Variants in PRMT7 observed in about 807,000 individuals in gnomAD.
The protein encoded by PRMT7 is protein arginine N-methyltransferase 7.
A neutral mutation model predicts 85.4 loss-of-function variants in PRMT7; 75 were observed. The observed-to-expected ratio is 0.88, with a 90% CI of 0.73 to 1.06. PRMT7 has a LOEUF of 1.06. Ranked by LOEUF, PRMT7 falls within the 50% of genes least tolerant of loss-of-function variation. The probability of loss-of-function intolerance (pLI) is 0.00; values close to 1 mark genes in which losing one functional copy is unlikely to be tolerated. For synonymous variants in PRMT7, 397 were observed against 359.5 expected, an observed-to-expected ratio of 1.10 and a Z score of -1.18; for missense variants, 868 against 915.2, an observed-to-expected ratio of 0.95 and a Z score of 0.67.
intron 9 of PRMT7, 66 bp downstream of exon 9, chr16:68,340,034 A>C: frequency 6.9e-7 from 1 of 1,457,902 alleles, no homozygotes; most frequent in South Asian, 1.3e-5. Context: ...ATGGGAAAGT[A>C]ACAGTTGAGC....
chr16:68,337,869 G>T (rs895359282), intron 7 of PRMT7, among the ~76,000 whole-genome samples: 3 of 152,244 alleles, frequency 2.0e-5, no homozygotes, highest in Admixed American at 6.5e-5. Flanking sequence ...GTGATCAGGT[G>T]TTGGCCTGGC....
chr16:68,315,790 C>T, intron 2 of PRMT7, 107 bp from the exon 3 acceptor site: 1 of 594,704 alleles, frequency 1.7e-6, no homozygotes, highest in South Asian at 1.9e-5. Flanking sequence ...TTTTTCCCCG[C>T]TTTTGTCTCC....
intron 6 of PRMT7, among the ~76,000 whole-genome samples, chr16:68,336,816 A>G (rs1460303103): frequency 6.6e-6 from 1 of 152,088 alleles, no homozygotes; most frequent in Non-Finnish European, 1.5e-5. Flanking sequence ...ACAGTGGCAC[A>G]ATTTCGGCTC....
chr16:68,352,457 G>A (rs545714051), intron 15 of PRMT7, 48 bp downstream of exon 15: 1 of 1,549,190 alleles, frequency 6.5e-7, no homozygotes, highest in East Asian at 2.3e-5. Flanking sequence ...GAGGCGGGTG[G>A]GGAACCTTGT....
intron 2 of PRMT7, among the ~76,000 whole-genome samples, chr16:68,312,482 C>G (rs570789559): frequency 6.4e-4 from 97 of 152,186 alleles, no homozygotes; most frequent in Non-Finnish European, 1.2e-3. Context: ...GATATCCTTG[C>G]GTCTCGGCCC....
At chr16:68,359,397 CAGGGCTTGGG>C (rs1385592665), downstream of PRMT7, 1 of 152,642 alleles carries the variant, frequency 6.6e-6, no homozygotes. Flanking sequence ...TCTGGAGGGG[CAGGGCTTGGG>C]CCCGGGCAGA....
Position 68,346,262 on chromosome 16 carries a change from C to G in PRMT7, c.1173C>G (p.Tyr391Ter). The change falls in exon 11 of 19, where the codon TAC becomes TAG. Residue 391 changes from tyrosine (Y) to a stop codon, truncating the protein, a stop_gained. Transcript: ENST00000441236. LOFTEE classifies it high-confidence loss of function. ...ATGACCAGGACAGAACTGATCGATA[C>G]GTCCAGGCTCTGAGGACCGTAAGTG... ...EINDQDRTDR[Y>*]VQALRTVLKP... 1.2e-6 allele frequency: 2 copies of G among 1,614,226 alleles called. No homozygotes were observed. Among genetic ancestry groups the G allele is most frequent in the Non-Finnish European group, 1.7e-6 (2 of 1,180,030 alleles).
intron 14 of PRMT7, among the ~76,000 whole-genome samples, chr16:68,350,014 A>C (rs948321472): frequency 1.3e-5 from 2 of 152,200 alleles, no homozygotes; most frequent in Non-Finnish European, 2.9e-5. Flanking sequence ...TTGTGTCTCC[A>C]GTATGTGCCT....
Position 68,348,446 on chromosome 16 carries a change from C to T in PRMT7, c.1413+15C>T. On this transcript the variant is annotated intron_variant, in intron 14 of 18. Transcript: ENST00000441236. ...AGGGCAGAAAGGTGAGTAGCGGGAG[C>T]CTTTTGGCCACGCTGGGCTGTGTTA... is the stretch of plus-strand genomic sequence containing the variant. 1.3e-6 allele frequency: 2 copies of T among 1,593,268 alleles called. No individual in the cohort carries two copies. Among genetic ancestry groups the T allele is most frequent in the Non-Finnish European group, 1.7e-6 (2 of 1,161,436 alleles).
intron 5 of PRMT7, among the ~76,000 whole-genome samples, chr16:68,326,807 T>C (rs2083176513): frequency 6.6e-6 from 1 of 151,996 alleles, no homozygotes; most frequent in South Asian, 2.1e-4. Context: ...TGGTAGTGTT[T>C]TGGGTGAGAT....
At chr16:68,335,845 C>T (rs1052559327) in intron 6 of PRMT7, among the ~76,000 whole-genome samples, 11 of 148,146 alleles carry the variant, frequency 7.4e-5, no homozygotes, top group Non-Finnish European at 1.5e-4. Flanking sequence ...GGCGTGATCT[C>T]GGCTCACTGC....
At position 68,347,627 on chromosome 16, in the gene PRMT7, C is replaced by G; in HGVS notation, c.1276-4C>G. ...TACAACTAATAGCGTGGTGTTCCCT[C>G]TAGGTGTTTACAGTCGAGAGTTCAG... On this transcript the variant is annotated splice_polypyrimidine_tract_variant and splice_region_variant and intron_variant, in intron 12 of 18. Transcript: ENST00000441236. 6.2e-7 allele frequency: 1 copy of G among 1,613,150 alleles called. No homozygotes were observed.
chr16:68,324,126 G>A (rs2082821367), intron 4 of PRMT7: 2 of 154,144 alleles, frequency 1.3e-5, no homozygotes, highest in Non-Finnish European at 2.9e-5. Context: ...ATTGCAGGGA[G>A]CAGTTACCTT....
chr16:68,338,857 A>AGGAGCC (rs962665495), intron 7 of PRMT7, among the ~76,000 whole-genome samples: 6 of 152,168 alleles, frequency 3.9e-5, no homozygotes, highest in African/African-American at 1.2e-4. Context: ...GAGCCGGACA[A>AGGAGCC]GGAGCCGGAG....
At chr16:68,323,687 A>G (rs1207512813) in intron 4 of PRMT7, 1 of 152,176 alleles carries the variant, frequency 6.6e-6, no homozygotes, top group Non-Finnish European at 1.5e-5. Flanking sequence ...TGGTCAGAGG[A>G]TATCACCCTT....
chr16:68,358,713 CTTCCT>C (rs1261464160), downstream of PRMT7: 5 of 152,586 alleles, frequency 3.3e-5, no homozygotes, highest in Non-Finnish European at 7.3e-5. Flanking sequence ...CGCCTTGTGG[CTTCCT>C]TTGAGACTGG....
At position 68,348,348 on chromosome 16, in the gene PRMT7, A is replaced by G; in HGVS notation, c.1330A>G (p.Lys444Glu). ...TTACGGTTTTCTTTCTAAGATCTTC[A>G]AGGCTAACCACTTGGAAGATAAAAT... The part of the protein sequence containing the change: ...ASHKLLRKIF[K>E]ANHLEDKINI... Residue 444 changes from lysine to glutamate, a missense_variant, in exon 14 of 19, where the codon AAG becomes GAG. Physicochemically the swap from Lys to Glu is moderately conservative, Grantham distance 56. Transcript: ENST00000441236. 1.9e-6 allele frequency: 3 copies of G among 1,602,124 alleles called. No homozygotes were observed. The highest frequency in any genetic ancestry group is 2.6e-6 in the Non-Finnish European group (3 of 1,169,342).
chr16:68,352,083 G>T, intron 14 of PRMT7, 165 bp from the exon 15 acceptor site: 1 of 672,312 alleles, frequency 1.5e-6, no homozygotes, highest in Admixed American at 2.8e-5. Flanking sequence ...GGGAGGGACT[G>T]ATGAGGGAGG....
intron 9 of PRMT7, among the ~76,000 whole-genome samples, chr16:68,340,696 A>G (rs2085392848): frequency 6.6e-6 from 1 of 152,260 alleles, no homozygotes; most frequent in Admixed American, 6.5e-5. Context: ...GCTCAGGGAA[A>G]AAGCAGGAAA....
Sources: allele counts gnomAD v4.1 joint callset (sites outside exome capture counted in the v4.1 genomes callset), GRCh38; gene constraint gnomAD v4.1.1; transcripts MANE v1.5; gene names NCBI Gene and HGNC (gene_info 2026-07-23, HGNC 2026-07-21).